FGF14: variants seen among roughly 807,000 people sequenced by gnomAD.
The protein encoded by FGF14 is fibroblast growth factor 14, also known as fibroblast growth factor homologous factor 4.
FGF14 carries 5 observed loss-of-function variants against 25.5 expected under a neutral mutation model. The observed-to-expected ratio is 0.20, with a 90% CI of 0.10 to 0.41. FGF14 has a LOEUF of 0.41. FGF14 is among the 10% of genes least tolerant of loss of function. The probability of loss-of-function intolerance (pLI) is 1.00; values close to 1 mark genes in which losing one functional copy is unlikely to be tolerated. For synonymous variants in FGF14, 138 were observed against 118.3 expected, an observed-to-expected ratio of 1.17 and a Z score of -1.08; for missense variants, 222 against 320.1, an observed-to-expected ratio of 0.69 and a Z score of 2.34.
chr13:102,031,393 A>G (rs978803056), intron 1 of FGF14, among the ~76,000 whole-genome samples: 1 of 152,146 alleles, frequency 6.6e-6, no homozygotes, highest in African/African-American at 2.4e-5. Context: ...TTGAAGCTCA[A>G]AAATGCTAAA....
intron 1 of FGF14, among the ~76,000 whole-genome samples, chr13:101,964,799 GTCTA>G (rs1190612510): frequency 4.0e-5 from 6 of 151,750 alleles, no homozygotes; most frequent in African/African-American, 9.7e-5. Context: ...ATAAGCCAAT[GTCTA>G]TCTTTTATTC....
rs1005680298 is a variant in FGF14 at position 102,241,613 on chromosome 13, T to C, written c.208+159858A>G. Among the ~76,000 whole-genome samples, 10 of 152,312 alleles carry C rather than the reference T, an allele frequency of 6.6e-5. 1 individual carries two copies. The highest frequency in any genetic ancestry group is 2.2e-4 in the African/African-American group (9 of 41,584). On this transcript the variant is annotated intron_variant, in intron 1 of 4. Coordinates refer to the FGF14 transcript ENST00000376131. ...AATATGATCTGTCCACCTGCTTTGC[T>C]AATTTGAGCTCAAGAACTTGAGCAT...
At chr13:102,363,850 T>A (rs1214770284) in intron 1 of FGF14, among the ~76,000 whole-genome samples, 2 of 152,096 alleles carry the variant, frequency 1.3e-5, no homozygotes, top group African/African-American at 4.8e-5. Context: ...AACAGGGAGG[T>A]ATTTCCATTT....
At chr13:102,247,014 T>C (rs1287238553) in intron 1 of FGF14, among the ~76,000 whole-genome samples, 1 of 152,082 alleles carries the variant, frequency 6.6e-6, no homozygotes, top group Non-Finnish European at 1.5e-5. Context: ...CAATAAATGG[T>C]GCTGGGAAAA....
chr13:101,896,024 C>T (rs962386231), intron 1 of FGF14, among the ~76,000 whole-genome samples: 3 of 152,060 alleles, frequency 2.0e-5, no homozygotes, highest in African/African-American at 7.2e-5. Context: ...AATTACTTAA[C>T]CATAATTAAA....
chr13:101,838,845 T>C (rs750222175), intron 3 of FGF14, among the ~76,000 whole-genome samples: 19 of 152,080 alleles, frequency 1.2e-4, no homozygotes, highest in Admixed American at 6.6e-5. Context: ...AAAATTCCAA[T>C]GGACAGCAGT....
At chr13:101,956,768 C>CAAAAAAAAAAA (rs372879439) in intron 1 of FGF14, among the ~76,000 whole-genome samples, 3 of 122,584 alleles carry the variant, frequency 2.4e-5, no homozygotes, top group East Asian at 2.2e-4. Flanking sequence ...TTCACTTTAC[C>CAAAAAAAAAAA]AAAAAAAAAA....
intron 3 of FGF14, among the ~76,000 whole-genome samples, chr13:101,786,548 T>C (rs978540947): frequency 6.6e-6 from 1 of 152,122 alleles, no homozygotes; most frequent in Non-Finnish European, 1.5e-5. Context: ...TTCTTGGCCA[T>C]CCTCCCCTGT....
In FGF14 at chr13:101,926,272, A is replaced by G. The variant is rs9513965; in HGVS notation, c.209-50976T>C. Among the ~76,000 whole-genome samples the G allele has an allele frequency of 5.6e-3, 847 of 152,302 alleles. 4 individuals are homozygous for G. Among genetic ancestry groups the G allele is most frequent in the Non-Finnish European group, 8.2e-3 (557 of 68,026 alleles). On this transcript the variant is annotated intron_variant, in intron 1 of 4. Coordinates refer to the FGF14 transcript ENST00000376131. The stretch of plus-strand genomic sequence containing the variant: ...TACCCACGCCCCTCTGATGGACAGA[A>G]TAGCTGCTTCCAAATACCAGTTTTT...
intron 1 of FGF14, among the ~76,000 whole-genome samples, chr13:102,038,957 A>T (rs949590587): frequency 2.6e-5 from 4 of 152,182 alleles, no homozygotes; most frequent in Non-Finnish European, 4.4e-5. Context: ...TATGTACTGT[A>T]CCAGGTGCTG....
chr13:102,133,161 G>A (rs1011263908), intron 1 of FGF14, among the ~76,000 whole-genome samples: 1 of 152,186 alleles, frequency 6.6e-6, no homozygotes, highest in Non-Finnish European at 1.5e-5. Flanking sequence ...TAATGGAATA[G>A]CTATTGTGAA....
chr13:101,938,850 T>A (rs2035267403), intron 1 of FGF14, among the ~76,000 whole-genome samples: 1 of 152,232 alleles, frequency 6.6e-6, no homozygotes, highest in Admixed American at 6.5e-5. Flanking sequence ...AGAATTATCC[T>A]TTTTAGAAAA....
chr13:102,323,957 A>ATGTATGTGTG (rs1450436394), intron 1 of FGF14, among the ~76,000 whole-genome samples: 13 of 136,422 alleles, frequency 9.5e-5, no homozygotes, highest in Non-Finnish European at 1.8e-4. Flanking sequence ...AACGTGCAGT[A>ATGTATGTGTG]TGTGTGTGTG....
chr13:102,279,218 G>A (rs932568358), intron 1 of FGF14, among the ~76,000 whole-genome samples: 1 of 151,656 alleles, frequency 6.6e-6, no homozygotes, highest in African/African-American at 2.4e-5. Flanking sequence ...ATAGATGATA[G>A]ATTTAATAAG....
chr13:102,031,762 G>A (rs2041223082), intron 1 of FGF14, among the ~76,000 whole-genome samples: 1 of 151,748 alleles, frequency 6.6e-6, no homozygotes, highest in African/African-American at 2.4e-5. Flanking sequence ...CTTTAGAAAT[G>A]TATTTCCTTA....
chr13:102,045,603 T>C (rs1284658890), intron 1 of FGF14, among the ~76,000 whole-genome samples: 2 of 152,170 alleles, frequency 1.3e-5, no homozygotes, highest in African/African-American at 2.4e-5. Context: ...ATGCAGAACA[T>C]GTTACATTGT....
At chr13:102,007,950 T>A (rs2139781550) in intron 1 of FGF14, among the ~76,000 whole-genome samples, 1 of 152,210 alleles carries the variant, frequency 6.6e-6, no homozygotes, top group East Asian at 1.9e-4. Flanking sequence ...TAGATTGCAT[T>A]GGAATGGGTG....
chr13:101,949,257 C>T (rs911707318), intron 1 of FGF14, among the ~76,000 whole-genome samples: 1 of 152,198 alleles, frequency 6.6e-6, no homozygotes, highest in African/African-American at 2.4e-5. Flanking sequence ...CTACCGGGAA[C>T]CTTTCCTGGT....
exon 1 of FGF14, chr13:102,401,571 C>G: frequency 6.2e-7 from 1 of 1,614,056 alleles, no homozygotes; most frequent in South Asian, 1.1e-5. Flanking sequence ...TTGATTTGGG[C>G]GAAAAGCAAT....
Sources: allele counts gnomAD v4.1 joint callset (sites outside exome capture counted in the v4.1 genomes callset), GRCh38; gene constraint gnomAD v4.1.1; transcripts MANE v1.5; gene names NCBI Gene and HGNC (gene_info 2026-07-23, HGNC 2026-07-21).